The following INTU variants were observed in gnomAD, a reference collection of about 807,000 sequenced individuals.
INTU encodes inturned planar cell polarity protein.
INTU carries 68 observed loss-of-function variants against 100.5 expected under a neutral mutation model. The observed-to-expected ratio is 0.68, with a 90% CI of 0.56 to 0.83. The LOEUF (loss-of-function observed/expected upper bound fraction) is 0.83. Ranked by LOEUF, INTU falls within the 40% of genes least tolerant of loss-of-function variation. The pLI is 0.00. For synonymous variants in INTU, 357 were observed against 395.7 expected, an observed-to-expected ratio of 0.90 and a Z score of 1.16; for missense variants, 1,071 against 1,114.7, an observed-to-expected ratio of 0.96 and a Z score of 0.56.
chr4:127,701,192 A>G (rs915032115), intron 9 of INTU, among the ~76,000 whole-genome samples: 7 of 152,186 alleles, frequency 4.6e-5, no homozygotes, highest in African/African-American at 1.7e-4. Context: ...ATGTTAAGTT[A>G]CTCCATTTTT....
intron 9 of INTU, among the ~76,000 whole-genome samples, chr4:127,700,802 A>G (rs1433155632): frequency 6.6e-6 from 1 of 151,838 alleles, no homozygotes; most frequent in East Asian, 1.9e-4. Context: ...CTTACTAGTC[A>G]ACTTTGGAGA....
At chr4:127,656,566 G>A (rs918692598) in intron 2 of INTU, 70 bp from the exon 3 acceptor site, 21 of 1,096,268 alleles carry the variant, frequency 1.9e-5, no homozygotes, top group Non-Finnish European at 2.9e-5. Context: ...GCTGTTTAAT[G>A]TTCCAATTCT....
chr4:127,689,267 G>A (rs1326218304), intron 8 of INTU, among the ~76,000 whole-genome samples: 2 of 151,974 alleles, frequency 1.3e-5, no homozygotes, highest in Non-Finnish European at 2.9e-5. Flanking sequence ...ACAGGCATGA[G>A]CCATGGCACC....
intron 2 of INTU, among the ~76,000 whole-genome samples, chr4:127,655,735 C>T (rs925812966): frequency 6.6e-6 from 1 of 152,218 alleles, no homozygotes; most frequent in Admixed American, 6.5e-5. Context: ...CCTCCTTGAG[C>T]TGTGGTGGGC....
intron 8 of INTU, among the ~76,000 whole-genome samples, chr4:127,693,091 G>T (rs907047173): frequency 8.6e-5 from 13 of 151,972 alleles, no homozygotes; most frequent in African/African-American, 3.1e-4. Flanking sequence ...TTAATTTTAG[G>T]ATTGGTTTTT....
intron 2 of INTU, among the ~76,000 whole-genome samples, chr4:127,652,318 C>A (rs1727925850): frequency 6.6e-6 from 1 of 150,418 alleles, no homozygotes; most frequent in Non-Finnish European, 1.5e-5. Flanking sequence ...GGGAATGCTT[C>A]CAGTTTTTGC....
chr4:127,633,164 G>T lies in INTU; in HGVS notation c.130G>T (p.Ala44Ser). Residue 44 changes from alanine to serine, a missense_variant, in exon 1 of 16, where the codon GCG becomes TCG. Coordinates refer to ENST00000335251, the MANE Select transcript of INTU (RefSeq NM_015693.4). Reference sequence around the variant, plus strand: ...CAGCGACTCGGGTTCATATTCCTCAGCGAGTAGCGATTATGAGTAAGGTTT... The same window carrying T: ...CAGCGACTCGGGTTCATATTCCTCATCGAGTAGCGATTATGAGTAAGGTTT... ...RVSDSGSYSS[A>S]SSDYDDLEPE... The T allele has an allele frequency of 6.2e-7, 1 of 1,613,690 alleles. No individual in the cohort carries two copies. The highest frequency in any genetic ancestry group is 8.5e-7 in the Non-Finnish European group (1 of 1,179,648).
At chr4:127,655,523 G>T (rs961539386) in intron 2 of INTU, among the ~76,000 whole-genome samples, 2 of 151,618 alleles carry the variant, frequency 1.3e-5, no homozygotes, top group Admixed American at 6.6e-5. Context: ...GTGCCTCCCA[G>T]TTAGGCTGCT....
chr4:127,675,640 T>C lies in INTU; in HGVS notation c.1181+1427T>C, dbSNP rs140820062. On this transcript the variant is annotated intron_variant, in intron 6 of 15. Coordinates refer to ENST00000335251, the MANE Select transcript of INTU (RefSeq NM_015693.4). ...CCAGTGTTGGCCAGGGATAGACTTA[T>C]CTGAAGGCTTTAACTGGAGCTGGAG... Among the ~76,000 whole-genome samples the C allele has an allele frequency of 9.3e-3, 1,413 of 152,268 alleles. 82 individuals are homozygous for C. Among genetic ancestry groups the C allele is most frequent in the Admixed American group, 0.087 (1,327 of 15,284 alleles).
intron 8 of INTU, among the ~76,000 whole-genome samples, chr4:127,695,939 AT>A (rs1364139078): frequency 6.6e-6 from 1 of 152,192 alleles, no homozygotes; most frequent in African/African-American, 2.4e-5. Flanking sequence ...TTCTGCATAT[AT>A]TGATAGAATC....
At chr4:127,711,780 T>C (rs1293090034) in intron 14 of INTU, among the ~76,000 whole-genome samples, 1 of 152,158 alleles carries the variant, frequency 6.6e-6, no homozygotes, top group Non-Finnish European at 1.5e-5. Context: ...CCCCCAGAAA[T>C]TGGTCTCCAA....
At position 127,663,438 on chromosome 4, in the gene INTU, C is replaced by G. The variant is rs373900644; in HGVS notation, c.826C>G (p.Gln276Glu). The part of the protein sequence containing the change: ...DVKRETSHPR[Q>E]KKTQSNTSDL... The stretch of plus-strand genomic sequence containing the variant: ...GAAAAGGGAGACGTCCCATCCAAGA[C>G]AGAAAAAGACACAGTCCAACACAAG... Residue 276 changes from glutamine to glutamate, a missense_variant, in exon 4 of 16, where the codon CAG (glutamine) becomes GAG (glutamate). Transcript: ENST00000335251. 1 of 1,613,128 alleles carries G rather than the reference C, an allele frequency of 6.2e-7. No homozygotes were observed. The highest frequency in any genetic ancestry group is 1.3e-5 in the African/African-American group (1 of 74,878).
chr4:127,704,248 G>A lies in INTU; in HGVS notation c.1524G>A (p.Met508Ile). 6.2e-7 allele frequency: 1 copy of A among 1,610,218 alleles called. No homozygotes were observed. Among genetic ancestry groups the A allele is most frequent in the East Asian group, 2.2e-5 (1 of 44,842 alleles). Residue 508 changes from methionine to isoleucine, a missense_variant, in exon 10 of 16, where the codon ATG becomes ATA. By Grantham distance (10) the Met-to-Ile change is conservative (BLOSUM62 1). Coordinates refer to ENST00000335251, the MANE Select transcript of INTU (RefSeq NM_015693.4). ...CCCAGTCCGAGGATTACTATGACAT[G>A]AGGCGGCTGTATACAATTTTGGGGT... The part of the protein sequence containing the change: ...FAELSEDYYD[M>I]RRLYTILGSS...
chr4:127,633,252 C>A, intron 1 of INTU, 72 bp downstream of exon 1: 1 of 1,489,974 alleles, frequency 6.7e-7, no homozygotes, highest in Non-Finnish European at 9.2e-7. Flanking sequence ...GCTGGGGGAA[C>A]TGCAAGGGTG....
Position 127,714,040 on chromosome 4 carries a change from A to T in INTU, c.2664A>T (p.Gly888=). Residue 888 remains glycine (G), a synonymous_variant, in exon 15 of 16, where the codon GGA becomes GGT. Transcript: ENST00000335251. ...EHGVLFECSP[G]NWTDQKKAPP... is the part of the protein sequence containing the mutation. ...GTGTGTTGTTTGAATGTTCACCTGG[A>T]AACTGGACTGATCAGAAAAAAGCAC... is the stretch of plus-strand genomic sequence containing the variant. 1 of 1,613,782 alleles carries T rather than the reference A, an allele frequency of 6.2e-7. No individual in the cohort carries two copies. The highest frequency in any genetic ancestry group is 8.5e-7 in the Non-Finnish European group (1 of 1,179,856).
chr4:127,696,601 G>A (rs1167435010), intron 8 of INTU, among the ~76,000 whole-genome samples: 4 of 151,064 alleles, frequency 2.6e-5, no homozygotes, highest in African/African-American at 9.7e-5. Flanking sequence ...AAGCTTATAC[G>A]TTTTATTGAT....
chr4:127,637,819 A>T (rs1727140590), intron 1 of INTU, among the ~76,000 whole-genome samples: 1 of 152,220 alleles, frequency 6.6e-6, no homozygotes, highest in South Asian at 2.1e-4. Context: ...CTGAGGGGGC[A>T]GGTGGTAGGA....
rs905764097 is a variant in INTU, at chr4:127,723,828, G to A, written c.*7392G>A. On this transcript the variant is annotated 3_prime_UTR_variant, in exon 16 of 16. Coordinates refer to ENST00000335251, the MANE Select transcript of INTU (RefSeq NM_015693.4). ...TCTACAAAAACACCAAAATTAGCCGGGTGTGGTAGCACTCTCTTTTAACAG... is the reference window on the plus strand; with the variant it reads ...TCTACAAAAACACCAAAATTAGCCGAGTGTGGTAGCACTCTCTTTTAACAG... 5.9e-5 allele frequency: 9 copies of A among 151,664 alleles called. No individual in the cohort carries two copies. Among genetic ancestry groups the A allele is most frequent in the African/African-American group, 2.2e-4 (9 of 41,232 alleles). 9.4% of individuals were successfully genotyped at this position (151,664 alleles called of 1,614,324 possible).
At chr4:127,678,577 G>A (rs1014529961) in intron 6 of INTU, among the ~76,000 whole-genome samples, 6 of 152,162 alleles carry the variant, frequency 3.9e-5, no homozygotes, top group Non-Finnish European at 8.8e-5. Flanking sequence ...CACCAGGCCT[G>A]CCCTAAAAGA....
Sources: gnomAD v4.1 joint callset for allele counts (sites outside exome capture counted in the v4.1 genomes callset) on GRCh38, gnomAD v4.1.1 for gene constraint, MANE v1.5 for transcripts, NCBI Gene and HGNC (gene_info 2026-07-23, HGNC 2026-07-21) for gene names.